Variants in CNOT10 observed in about 807,000 individuals in gnomAD.
CNOT10 encodes CCR4-NOT transcription complex, subunit 10.
A neutral mutation model predicts 94.6 loss-of-function variants in CNOT10; 30 were observed. The observed-to-expected ratio is 0.32, with a 90% CI of 0.24 to 0.43. The LOEUF is 0.43. CNOT10 is among the 20% of genes least tolerant of loss of function. The pLI, the probability that CNOT10 is intolerant of heterozygous loss-of-function variation, is 1.00. For synonymous variants in CNOT10, 289 were observed against 301.6 expected, an observed-to-expected ratio of 0.96 and a Z score of 0.43; for missense variants, 759 against 877.2, an observed-to-expected ratio of 0.87 and a Z score of 1.70.
intron 1 of CNOT10, among the ~76,000 whole-genome samples, chr3:32,687,277 C>T (rs750735419): frequency 6.6e-6 from 1 of 151,804 alleles, no homozygotes; most frequent in African/African-American, 2.4e-5. Context: ...ATCCATTTTC[C>T]TCACTGTCGC....
intron 1 of CNOT10, among the ~76,000 whole-genome samples, chr3:32,685,839 T>C (rs1158556610): frequency 6.6e-6 from 1 of 152,168 alleles, no homozygotes; most frequent in Non-Finnish European, 1.5e-5. Context: ...CATCTGCCTA[T>C]AATATCGCGT....
chr3:32,717,215 C>G lies in CNOT10; in HGVS notation c.722C>G (p.Ser241Ter). 1 of 1,607,998 alleles carries G rather than the reference C, an allele frequency of 6.2e-7. No homozygotes were observed. Among genetic ancestry groups the G allele is most frequent in the Non-Finnish European group, 8.5e-7 (1 of 1,175,990 alleles). ...AAAGCATGTAAAAGGGAAATCAAGT[C>G]AGTCATGAATACAGCTGGAAATGTA... ...SLKACKREIK[S>*]VMNTAGNSAP... The change falls in exon 7 of 19, where the codon TCA becomes TGA. Residue 241 changes from serine to a stop codon, truncating the protein, a stop_gained. Coordinates refer to ENST00000328834, the MANE Select transcript of CNOT10 (RefSeq NM_015442.3). LOFTEE classifies it high-confidence loss of function.
chr3:32,762,086 C>T (rs1700473224), intron 14 of CNOT10, among the ~76,000 whole-genome samples: 1 of 146,446 alleles, frequency 6.8e-6, no homozygotes, highest in Admixed American at 6.9e-5. Flanking sequence ...AGTTTTAAAA[C>T]TATAAAAGTT....
At position 32,726,819 on chromosome 3, in the gene CNOT10, ATGG is replaced by A. The variant is rs553292356; in HGVS notation, c.1013-847_1013-845del. Among the ~76,000 whole-genome samples, 227 of 149,912 alleles carry A rather than the reference ATGG, an allele frequency of 1.5e-3. 1 individual carries two copies. Among genetic ancestry groups the A allele is most frequent in the African/African-American group, 5.4e-3 (220 of 40,892 alleles). Reference sequence around the variant, plus strand: ...ATTGTCATGAACACATGACAATAAAATGGTTAACCAAGATGAATTTTTTTTTTT... The same window carrying A: ...ATTGTCATGAACACATGACAATAAAATTAACCAAGATGAATTTTTTTTTTT... On this transcript the variant is annotated intron_variant, in intron 9 of 18. Coordinates refer to ENST00000328834, the MANE Select transcript of CNOT10 (RefSeq NM_015442.3).
At chr3:32,736,049 C>CT (rs1405304911) in intron 12 of CNOT10, among the ~76,000 whole-genome samples, 1 of 151,882 alleles carries the variant, frequency 6.6e-6, no homozygotes, top group Non-Finnish European at 1.5e-5. Flanking sequence ...TTTTTTCTTT[C>CT]TTTCTTTTCT....
chr3:32,749,456 C>T (rs1311903370), intron 13 of CNOT10, among the ~76,000 whole-genome samples: 2 of 146,426 alleles, frequency 1.4e-5, no homozygotes, highest in African/African-American at 5.1e-5. Flanking sequence ...ATTGCCCAGG[C>T]CAGAGTGCAG....
chr3:32,697,039 CT>C (rs1364153153), intron 1 of CNOT10, among the ~76,000 whole-genome samples: 2 of 151,794 alleles, frequency 1.3e-5, no homozygotes, highest in African/African-American at 4.8e-5. Flanking sequence ...CAGCCTCTGC[CT>C]TCCGGGTTCC....
chr3:32,773,617 C>T lies in CNOT10; in HGVS notation c.*6C>T. 2 of 1,602,154 alleles carry T rather than the reference C, an allele frequency of 1.2e-6. No homozygotes were observed. The highest frequency in any genetic ancestry group is 1.7e-6 in the Non-Finnish European group (2 of 1,174,720). On this transcript the variant is annotated 3_prime_UTR_variant, in exon 19 of 19. Transcript: ENST00000328834. Reference sequence around the variant, plus strand: ...CCACTGTGCAGAGAAAGTGATACTTCACTTTTGGAAAACTGTTACCTGAGA... The same window carrying T: ...CCACTGTGCAGAGAAAGTGATACTTTACTTTTGGAAAACTGTTACCTGAGA...
Position 32,716,258 on chromosome 3 carries a change from C to T in CNOT10, c.607C>T (p.His203Tyr), listed in dbSNP as rs143945309. The T allele has an allele frequency of 2.4e-5, 39 of 1,603,308 alleles. No homozygotes were observed. Among genetic ancestry groups the T allele is most frequent in the Non-Finnish European group, 3.2e-5 (38 of 1,174,378 alleles). ...TAACAACAACAAAGATGGATCTAAT[C>T]ATAAAGCTGAAAGTGGAGCTCTAAT... ...GNNNNKDGSN[H>Y]KAESGALIEA... Residue 203 changes from histidine (H) to tyrosine (Y), a missense_variant, in exon 6 of 19, where the codon CAT (histidine) becomes TAT (tyrosine). By Grantham distance (83) the His-to-Tyr change is moderately conservative. Around this residue, in one of 3 missense-constraint regions of CNOT10, gnomAD observed 682 missense variants for 799.4 expected, o/e 0.85. Coordinates refer to ENST00000328834, the MANE Select transcript of CNOT10 (RefSeq NM_015442.3).
rs139933483 is a variant in CNOT10 at position 32,720,727 on chromosome 3, C to T, written c.862+496C>T. Among the ~76,000 whole-genome samples, 43 of 152,144 alleles carry T rather than the reference C, an allele frequency of 2.8e-4. No homozygotes were observed. The East Asian group carries it at 6.2e-3, about 22-fold the overall frequency. ...CTCAAACTCCTGGGCTCAAGTGATC[C>T]GCTGACCTCAGTCTCCCAAAGTGCT... On this transcript the variant is annotated intron_variant, in intron 8 of 18. Coordinates refer to ENST00000328834, the MANE Select transcript of CNOT10 (RefSeq NM_015442.3).
At chr3:32,720,085 T>G in intron 7 of CNOT10, 29 bp from the exon 8 acceptor site, 1 of 1,223,384 alleles carries the variant, frequency 8.2e-7, no homozygotes, top group South Asian at 1.6e-5. Flanking sequence ...GAAAACAAAT[T>G]ATAAGTAACT....
intron 15 of CNOT10, among the ~76,000 whole-genome samples, chr3:32,763,815 TAAAG>T (rs1700549618): frequency 6.6e-6 from 1 of 152,020 alleles, no homozygotes; most frequent in Admixed American, 6.6e-5. Context: ...TTCCATTTCA[TAAAG>T]AAAGTTAGGT....
chr3:32,759,454 A>G lies in CNOT10; in HGVS notation c.1596-4A>G, dbSNP rs1700352895. 4 of 1,607,212 alleles carry G rather than the reference A, an allele frequency of 2.5e-6. No individual in the cohort carries two copies. Among genetic ancestry groups the G allele is most frequent in the East Asian group, 2.2e-5 (1 of 44,832 alleles). On this transcript the variant is annotated splice_polypyrimidine_tract_variant and splice_region_variant and intron_variant, in intron 13 of 18. Coordinates refer to ENST00000328834, the MANE Select transcript of CNOT10 (RefSeq NM_015442.3). ...TTTTCGGCCCCTTCCCTTTTGTGTT[A>G]TAGGTGCTCCATACTTGCTTGCAGT... is the stretch of plus-strand genomic sequence containing the variant.
At chr3:32,748,222 T>C (rs1277591684) in intron 13 of CNOT10, among the ~76,000 whole-genome samples, 2 of 152,346 alleles carry the variant, frequency 1.3e-5, no homozygotes, top group Middle Eastern at 3.4e-3. Flanking sequence ...TGTGTTCGAA[T>C]GTTTGTATGC....
intron 13 of CNOT10, among the ~76,000 whole-genome samples, chr3:32,746,616 C>G (rs568415083): frequency 6.6e-6 from 1 of 152,140 alleles, no homozygotes; most frequent in African/African-American, 2.4e-5. Flanking sequence ...GTGGGCAGAT[C>G]ATGAGGTCAG....
intron 13 of CNOT10, among the ~76,000 whole-genome samples, chr3:32,755,090 T>A (rs1478722304): frequency 6.7e-6 from 1 of 150,320 alleles, no homozygotes; most frequent in Non-Finnish European, 1.5e-5. Flanking sequence ...CTACTAAAAA[T>A]ACAAAATTAG....
intron 18 of CNOT10, among the ~76,000 whole-genome samples, 189 bp downstream of exon 18, chr3:32,770,151 T>C (rs916380712): frequency 2.0e-5 from 3 of 150,880 alleles, no homozygotes; most frequent in African/African-American, 7.3e-5. Context: ...GGACTACAGG[T>C]GCACGCCACT....
intron 13 of CNOT10, chr3:32,753,187 C>A: frequency 1.5e-6 from 1 of 662,402 alleles, no homozygotes; most frequent in Non-Finnish European, 2.8e-6. Context: ...ATGAAAAAAA[C>A]TATGCTGCTG....
chr3:32,753,884 G>A, intron 13 of CNOT10: 2 of 1,355,458 alleles, frequency 1.5e-6, no homozygotes, highest in Middle Eastern at 1.9e-4. Context: ...TGATGATATG[G>A]AATGGAAAAA....
Sources: gnomAD v4.1 joint callset for allele counts (sites outside exome capture counted in the v4.1 genomes callset) on GRCh38, gnomAD v4.1.1 for gene constraint, gnomAD v4.1.1 regional missense constraint, MANE v1.5 for transcripts, NCBI Gene and HGNC (gene_info 2026-07-23, HGNC 2026-07-21) for gene names.